Variants in POU2F1 observed in about 807,000 individuals in gnomAD.
POU2F1 encodes the protein POU class 2 homeobox 1, also known as POU domain, class 2, transcription factor 1.
Under a neutral mutation model 84.9 loss-of-function variants are expected in POU2F1, and 16 were observed. The ratio of observed to expected loss-of-function variants is 0.19; its 90% confidence interval spans 0.13 to 0.29. POU2F1 has a LOEUF of 0.29. POU2F1 is among the 10% of genes least tolerant of loss of function. The pLI, the probability that POU2F1 is intolerant of heterozygous loss-of-function variation, is 1.00. For synonymous variants in POU2F1, 368 were observed against 368.3 expected, an observed-to-expected ratio of 1.00 and a Z score of 0.01; for missense variants, 738 against 942.6, an observed-to-expected ratio of 0.78 and a Z score of 2.84.
At chr1:167,250,767 T>C (rs1453369849) in intron 1 of POU2F1, among the ~76,000 whole-genome samples, 1 of 152,218 alleles carries the variant, frequency 6.6e-6, no homozygotes, top group Non-Finnish European at 1.5e-5. Flanking sequence ...ATCCTAAACA[T>C]TTCAATTTTC....
intron 7 of POU2F1, among the ~76,000 whole-genome samples, chr1:167,382,495 G>A (rs764480476): frequency 6.6e-6 from 1 of 152,116 alleles, no homozygotes; most frequent in African/African-American, 2.4e-5. Context: ...GCTAGACAGG[G>A]CCAGATACCT....
chr1:167,326,770 G>A (rs1446664442), intron 1 of POU2F1, among the ~76,000 whole-genome samples: 1 of 152,114 alleles, frequency 6.6e-6, no homozygotes. Flanking sequence ...TGCTCCTGTT[G>A]GGTACAGACA....
At chr1:167,287,086 G>A (rs1462880826) in intron 1 of POU2F1, among the ~76,000 whole-genome samples, 1 of 152,198 alleles carries the variant, frequency 6.6e-6, no homozygotes, top group Admixed American at 6.5e-5. Flanking sequence ...CCTGTATAGA[G>A]CTGTAACTCT....
intron 2 of POU2F1, among the ~76,000 whole-genome samples, chr1:167,344,060 A>C (rs2101764389): frequency 6.6e-6 from 1 of 152,266 alleles, no homozygotes; most frequent in Non-Finnish European, 1.5e-5. Flanking sequence ...CACTGACTGC[A>C]TGTGGCTCTT....
At position 167,371,972 on chromosome 1, in the gene POU2F1, AG is replaced by A; in HGVS notation, c.339del (p.Gln113HisfsTer15). 6.2e-7 allele frequency: 1 copy of A among 1,614,172 alleles called. No homozygotes were observed. Among genetic ancestry groups the A allele is most frequent in the Non-Finnish European group, 8.5e-7 (1 of 1,180,002 alleles). On this transcript the variant is annotated frameshift_variant, in exon 5 of 16. Coordinates refer to ENST00000367866, the MANE Select transcript of POU2F1 (RefSeq NM_002697.4). LOFTEE classifies it high-confidence loss of function. ...DSQQPSQPSQ[Q>X]PSVQAAIPQT... Reference sequence around the variant, plus strand: ...CAGCAGCCAAGCCAGCCTTCCCAGCAGCCTTCAGTGCAGGCAGCCATTCCCC... The same window carrying A: ...CAGCAGCCAAGCCAGCCTTCCCAGCACCTTCAGTGCAGGCAGCCATTCCCC...
chr1:167,295,909 A>G lies in POU2F1; in HGVS notation c.62-36561A>G, dbSNP rs1296483276. ...ATGAAAAAAGTAAGAGTCTGTGAAT[A>G]GATGTGTTATGGAGCTGCTGTTTTT... On this transcript the variant is annotated intron_variant, in intron 1 of 15. Coordinates refer to ENST00000367866, the MANE Select transcript of POU2F1 (RefSeq NM_002697.4). Among the ~76,000 whole-genome samples, 7 of 152,338 alleles carry G rather than the reference A, an allele frequency of 4.6e-5. No homozygotes were observed. In the East Asian group the frequency reaches 1.3e-3, roughly 29 times the overall value.
At position 167,337,163 on chromosome 1, in the gene POU2F1, C is replaced by CAA. The variant is rs36068958; in HGVS notation, c.127+4631_127+4632dup. On this transcript the variant is annotated intron_variant, in intron 2 of 15. Coordinates refer to ENST00000367866, the MANE Select transcript of POU2F1 (RefSeq NM_002697.4). ...GGGCAACAAGAGCGAAACTCCATCT[C>CAA]AAAAGAAAAAAAAAAAAGCTAGGTG... Among the ~76,000 whole-genome samples the CAA allele has an allele frequency of 8.5e-5, 8 of 93,644 alleles. 1 individual carries two copies. Among genetic ancestry groups the CAA allele is most frequent in the Non-Finnish European group, 1.1e-4 (5 of 45,560 alleles). The allele number at this position is 93,644 out of a possible 152,430, so 61.4% of individuals were successfully genotyped here.
intron 2 of POU2F1, among the ~76,000 whole-genome samples, chr1:167,347,256 T>C (rs553750853): frequency 1.3e-5 from 2 of 152,250 alleles, no homozygotes; most frequent in African/African-American, 2.4e-5. Context: ...TTATTTTCAT[T>C]ACACATTAAC....
chr1:167,338,440 A>G (rs7519945), intron 2 of POU2F1, among the ~76,000 whole-genome samples: 60,656 of 152,050 alleles, frequency 0.4, 14,807 homozygotes, highest in East Asian at 0.69. Context: ...CAGATTTTCA[A>G]CTGTTTGTGG....
chr1:167,338,810 A>G (rs573808344), intron 2 of POU2F1, among the ~76,000 whole-genome samples: 1 of 152,230 alleles, frequency 6.6e-6, no homozygotes, highest in Non-Finnish European at 1.5e-5. Flanking sequence ...TTATGCATTC[A>G]TTTGTTAATG....
Position 167,422,694 on chromosome 1 carries a change from C to G in POU2F1, c.*6884C>G, listed in dbSNP as rs1016930699. ...GATATAGACTGTATCTCTAGAAAGGCTATTTTTTTAAATAAATGATCCCAC... is the reference window on the plus strand; with the variant it reads ...GATATAGACTGTATCTCTAGAAAGGGTATTTTTTTAAATAAATGATCCCAC... On this transcript the variant is annotated 3_prime_UTR_variant, in exon 16 of 16. Transcript: ENST00000367866. 5 of 152,118 alleles carry G rather than the reference C, an allele frequency of 3.3e-5. No individual in the cohort carries two copies. Among genetic ancestry groups the G allele is most frequent in the African/African-American group, 1.2e-4 (5 of 41,424 alleles). The allele number at this position is 152,118 out of a possible 1,614,324, so 9.4% of individuals were successfully genotyped here. A position where few individuals can be genotyped will look rare whatever the true frequency, so the allele number is the denominator to read the frequency against.
intron 2 of POU2F1, among the ~76,000 whole-genome samples, chr1:167,335,145 T>C (rs1414232757): frequency 6.6e-6 from 1 of 152,214 alleles, no homozygotes; most frequent in Non-Finnish European, 1.5e-5. Flanking sequence ...TTAAAAAATG[T>C]ATTCAGTAAG....
Position 167,376,126 on chromosome 1 carries a change from T to C in POU2F1, c.689T>C (p.Ile230Thr). 6.2e-7 allele frequency: 1 copy of C among 1,614,254 alleles called. No homozygotes were observed. Among genetic ancestry groups the C allele is most frequent in the Non-Finnish European group, 8.5e-7 (1 of 1,180,040 alleles). ...PTTNLQPAQF[I>T]ISQTPQGQQG... ...ACCAATTTGCAGCCAGCGCAGTTTA[T>C]CATCTCACAGACGCCCCAGGGCCAG... Residue 230 changes from isoleucine to threonine, a missense_variant, in exon 7 of 16, where the codon ATC becomes ACC. Physicochemically the swap from Ile to Thr is moderately conservative, Grantham distance 89. This residue lies in a region of POU2F1 where 163 missense variants were observed against 214.4 expected (regional missense o/e 0.76). Coordinates refer to ENST00000367866, the MANE Select transcript of POU2F1 (RefSeq NM_002697.4).
In POU2F1 at chr1:167,305,437, C is replaced by CA. The variant is rs199984382; in HGVS notation, c.62-27031dup. Among the ~76,000 whole-genome samples the CA allele has an allele frequency of 8.9e-3, 1,348 of 152,252 alleles. 19 individuals carry two copies. Among genetic ancestry groups the CA allele is most frequent in the African/African-American group, 0.031 (1,290 of 41,546 alleles). On this transcript the variant is annotated intron_variant, in intron 1 of 15. Coordinates refer to ENST00000367866, the MANE Select transcript of POU2F1 (RefSeq NM_002697.4). ...CTGGTCTTGAACTCCTGAGCTCAGG[C>CA]AATCTGCCCGCCTTGGCCTCCCAAA... is the stretch of plus-strand genomic sequence containing the variant.
intron 1 of POU2F1, among the ~76,000 whole-genome samples, chr1:167,332,174 G>A (rs1032179786): frequency 5.9e-5 from 9 of 151,998 alleles, no homozygotes; most frequent in African/African-American, 1.9e-4. Flanking sequence ...TTACATATCA[G>A]GCTTTCTAAT....
intron 1 of POU2F1, among the ~76,000 whole-genome samples, chr1:167,238,083 A>G (rs910389080): frequency 6.6e-6 from 1 of 151,886 alleles, no homozygotes; most frequent in Non-Finnish European, 1.5e-5. Context: ...TGCCCAGCCC[A>G]TATATTCTTA....
intron 9 of POU2F1, among the ~76,000 whole-genome samples, chr1:167,393,459 A>G (rs968624997): frequency 6.6e-6 from 1 of 152,002 alleles, no homozygotes; most frequent in African/African-American, 2.4e-5. Context: ...ATTTCTTATA[A>G]TTACTGTCAT....
In POU2F1 at chr1:167,233,824, T is replaced by C. The variant is rs540589940; in HGVS notation, c.61+12866T>C. The stretch of plus-strand genomic sequence containing the variant: ...GTACTTTTTAGTGACAAGTCCACAG[T>C]TGGAAATTGTGGACGAGATTCCATA... On this transcript the variant is annotated intron_variant, in intron 1 of 15. Transcript: ENST00000367866. 3.3e-5 allele frequency among the ~76,000 whole-genome samples: 5 copies of C among 152,338 alleles called. No homozygotes were observed. The East Asian group carries it at 7.7e-4, about 23-fold the overall frequency.
chr1:167,328,914 C>T (rs781296206), intron 1 of POU2F1: 20 of 436,376 alleles, frequency 4.6e-5, no homozygotes, highest in African/African-American at 1.1e-4. Context: ...CCTAATCACG[C>T]GCATACTGAT....
Sources: allele counts gnomAD v4.1 joint callset (sites outside exome capture counted in the v4.1 genomes callset), GRCh38; gene constraint gnomAD v4.1.1; regional missense constraint gnomAD v4.1.1; transcripts MANE v1.5; gene names NCBI Gene and HGNC (gene_info 2026-07-23, HGNC 2026-07-21).